The following PLEKHA1 variants were observed in gnomAD, a reference collection of about 807,000 sequenced individuals.
PLEKHA1 encodes pleckstrin homology domain containing A1.
A neutral mutation model predicts 52.0 loss-of-function variants in PLEKHA1; 34 were observed. The observed-to-expected ratio is 0.65, with a 90% CI of 0.50 to 0.87. PLEKHA1 has a LOEUF of 0.87. Ranked by LOEUF, PLEKHA1 falls within the 40% of genes least tolerant of loss-of-function variation. The pLI is 0.00. For synonymous variants in PLEKHA1, 163 were observed against 170.7 expected, an observed-to-expected ratio of 0.95 and a Z score of 0.35; for missense variants, 497 against 504.2, an observed-to-expected ratio of 0.99 and a Z score of 0.14.
At chr10:122,428,549 A>G (rs1304627754) in intron 11 of PLEKHA1, 18 of 852,308 alleles carry the variant, frequency 2.1e-5, no homozygotes, top group Non-Finnish European at 2.6e-5. Context: ...ATACAACTTT[A>G]CTAACAGAAA....
chr10:122,408,910 A>G (rs1341618004), intron 5 of PLEKHA1, among the ~76,000 whole-genome samples: 1 of 152,110 alleles, frequency 6.6e-6, no homozygotes, highest in African/African-American at 2.4e-5. Flanking sequence ...ATTTTGGTCA[A>G]CTCTAATTTA....
In PLEKHA1 at chr10:122,429,709, G is replaced by A. The variant is rs2097399196; in HGVS notation, c.986G>A (p.Arg329His). Residue 329 changes from arginine to histidine, a missense_variant, in exon 12 of 12, where the codon CGC (arginine) becomes CAC (histidine). By Grantham distance (29) the Arg-to-His change is conservative. Transcript: ENST00000368990. ...ATATSHSTAS[R>H]SNSLVSTFTM... is the part of the protein sequence containing the mutation. ...GCCACCTCACATTCCACAGCCTCTC[G>A]CAGCAACTCTTTGGTCTCAACCTTT... The A allele has an allele frequency of 8.1e-6, 13 of 1,614,024 alleles. No homozygotes were observed. The highest frequency in any genetic ancestry group is 1.1e-5 in the South Asian group (1 of 91,082).
At chr10:122,401,280 AAGAG>A (rs972447554) in intron 4 of PLEKHA1, among the ~76,000 whole-genome samples, 14 of 152,302 alleles carry the variant, frequency 9.2e-5, no homozygotes, top group African/African-American at 2.9e-4. Context: ...GGAGAAGAAA[AAGAG>A]AGCATCTGGA....
chr10:122,433,144 T>C (rs1193142187), downstream of PLEKHA1: 1 of 152,276 alleles, frequency 6.6e-6, no homozygotes, highest in African/African-American at 2.4e-5. Flanking sequence ...TGAACCAGTA[T>C]GTCTGCTCAC....
intron 6 of PLEKHA1, among the ~76,000 whole-genome samples, chr10:122,413,548 A>C (rs2097134975): frequency 6.6e-6 from 1 of 152,140 alleles, no homozygotes; most frequent in South Asian, 2.1e-4. Flanking sequence ...TGCAAGTAGT[A>C]ATTTTTAAAA....
At chr10:122,427,079 C>G in intron 11 of PLEKHA1, 48 bp downstream of exon 11, 1 of 1,509,406 alleles carries the variant, frequency 6.6e-7, no homozygotes, top group Non-Finnish European at 9.2e-7. Context: ...TCTCCCCCAT[C>G]CTATCAAATT....
Position 122,387,361 on chromosome 10 carries a change from A to G in PLEKHA1, c.-20-5820A>G, listed in dbSNP as rs563911050. The stretch of plus-strand genomic sequence containing the variant: ...TTTAAAATTTTTCATTTAGTTAAGA[A>G]TGTTTTCTGATTTCCCTTTTGATTT... On this transcript the variant is annotated intron_variant, in intron 1 of 11. Transcript: ENST00000368990. 2.0e-5 allele frequency: 3 copies of G among 152,258 alleles called. No homozygotes were observed. The South Asian group carries it at 6.2e-4, about 32-fold the overall frequency. The allele number at this position is 152,258 out of a possible 1,614,324, so 9.4% of individuals were successfully genotyped here.
chr10:122,435,730 G>GT (rs563432188), downstream of PLEKHA1: 276 of 152,114 alleles, frequency 1.8e-3, no homozygotes, highest in African/African-American at 6.4e-3. Context: ...TGAAGTTTTG[G>GT]TTTTTTAATT....
intron 1 of PLEKHA1, among the ~76,000 whole-genome samples, chr10:122,378,185 C>A (rs755302063): frequency 6.6e-6 from 1 of 152,142 alleles, no homozygotes; most frequent in Non-Finnish European, 1.5e-5. Context: ...GCATCTTACC[C>A]GGTACAGTAA....
At chr10:122,423,970 T>A (rs2097299927) in intron 8 of PLEKHA1, 1 of 537,376 alleles carries the variant, frequency 1.9e-6, no homozygotes, top group East Asian at 3.5e-5. Context: ...ATAATGTGAA[T>A]AAGGGCCGTA....
chr10:122,385,311 C>CTTTTTTTT (rs1196217497), intron 1 of PLEKHA1, among the ~76,000 whole-genome samples: 9 of 96,476 alleles, frequency 9.3e-5, no homozygotes, highest in Non-Finnish European at 1.3e-4. Context: ...TTGTGTCTGG[C>CTTTTTTTT]TTTTTTTTTT....
At chr10:122,407,250 T>G (rs1448859219) in intron 5 of PLEKHA1, among the ~76,000 whole-genome samples, 1 of 152,210 alleles carries the variant, frequency 6.6e-6, no homozygotes, top group Non-Finnish European at 1.5e-5. Flanking sequence ...ATTTTTTTCC[T>G]TGCATTCCAG....
chr10:122,415,324 A>G (rs752882998), intron 6 of PLEKHA1, among the ~76,000 whole-genome samples: 3 of 152,198 alleles, frequency 2.0e-5, no homozygotes, highest in African/African-American at 4.8e-5. Flanking sequence ...AAAGTTCACA[A>G]AGGAGCCTTG....
the PLEKHA1 span, chr10:122,440,435 CT>C: frequency 1.3e-5 from 2 of 152,216 alleles, no homozygotes; most frequent in Non-Finnish European, 2.9e-5. Context: ...ATTATTTGTG[CT>C]GTTTCTTCTG....
chr10:122,396,702 G>A (rs991657745), intron 2 of PLEKHA1, among the ~76,000 whole-genome samples: 2 of 151,968 alleles, frequency 1.3e-5, no homozygotes, highest in African/African-American at 4.8e-5. Flanking sequence ...TTGAAAAGTT[G>A]ATCCTGTCTT....
Position 122,429,821 on chromosome 10 carries a change from A to G in PLEKHA1, c.1098A>G (p.Pro366=). 1.2e-6 allele frequency: 2 copies of G among 1,614,236 alleles called. No homozygotes were observed. Among genetic ancestry groups the G allele is most frequent in the East Asian group, 2.2e-5 (1 of 44,882 alleles). Residue 366 remains proline (P), a synonymous_variant, in exon 12 of 12, where the codon CCA becomes CCG. Coordinates refer to ENST00000368990, the MANE Select transcript of PLEKHA1 (RefSeq NM_001001974.4). ...FKVQTVSPRE[P]ASKVTEQALL... is the part of the protein sequence containing the mutation. Reference sequence around the variant, plus strand: ...TCCAGACTGTCTCTCCAAGAGAACCAGCTTCCAAAGTGACTGAACAAGCTC... The same window carrying G: ...TCCAGACTGTCTCTCCAAGAGAACCGGCTTCCAAAGTGACTGAACAAGCTC...
rs2097407359 is a variant in PLEKHA1, at chr10:122,430,541, A to T, written c.*603A>T. 6.6e-6 allele frequency: 1 copy of T among 152,668 alleles called. No individual in the cohort carries two copies. Among genetic ancestry groups the T allele is most frequent in the Non-Finnish European group, 1.5e-5 (1 of 68,064 alleles). The allele number at this position is 152,668 out of a possible 1,614,324, so 9.5% of individuals were successfully genotyped here. Reference sequence around the variant, plus strand: ...AGACCAACAGTAAGGGTTGTGGGTTATACCGGCATAGAGAAAAGAAGAAAA... The same window carrying T: ...AGACCAACAGTAAGGGTTGTGGGTTTTACCGGCATAGAGAAAAGAAGAAAA... On this transcript the variant is annotated 3_prime_UTR_variant, in exon 12 of 12. Coordinates refer to ENST00000368990, the MANE Select transcript of PLEKHA1 (RefSeq NM_001001974.4).
intron 11 of PLEKHA1, 132 bp from the exon 12 acceptor site, chr10:122,429,492 C>CT (rs2097392623): frequency 1.4e-6 from 1 of 725,246 alleles, no homozygotes; most frequent in Admixed American, 3.6e-5. Flanking sequence ...CTGCTGCTGC[C>CT]TTTGTGTGTG....
At position 122,431,015 on chromosome 10, in the gene PLEKHA1, T is replaced by A. The variant is rs374067699; in HGVS notation, c.*1077T>A. ...TACTACTTGTGCAATATATATGTTT[T>A]AAAAAACAAATTTGAGAATACATTT... On this transcript the variant is annotated 3_prime_UTR_variant, in exon 12 of 12. Transcript: ENST00000368990. 1 of 152,624 alleles carries A rather than the reference T, an allele frequency of 6.6e-6. No homozygotes were observed. Among genetic ancestry groups the A allele is most frequent in the Non-Finnish European group, 1.5e-5 (1 of 68,032 alleles). 9.5% of individuals were successfully genotyped at this position (152,624 alleles called of 1,614,324 possible). A position where few individuals can be genotyped will look rare whatever the true frequency, so the allele number is the denominator to read the frequency against.
Sources: allele counts gnomAD v4.1 joint callset (sites outside exome capture counted in the v4.1 genomes callset), GRCh38; gene constraint gnomAD v4.1.1; transcripts MANE v1.5; gene names NCBI Gene and HGNC (gene_info 2026-07-23, HGNC 2026-07-21).